The following KYAT3 variants were observed in gnomAD, a reference collection of about 807,000 sequenced individuals.
KYAT3 encodes kynurenine--oxoglutarate transaminase 3.
In KYAT3, 50 loss-of-function variants were observed where a neutral mutation model predicts 59.0. That is an observed-to-expected ratio of 0.85 (90% CI 0.68 to 1.07). KYAT3 has a LOEUF of 1.07. KYAT3 is among the 50% of genes least tolerant of loss of function. The pLI, the probability that KYAT3 is intolerant of heterozygous loss-of-function variation, is 0.00. For synonymous variants in KYAT3, 148 were observed against 177.0 expected (o/e 0.84, Z 1.30); for missense variants, 497 against 533.3 (o/e 0.93, Z 0.67).
In KYAT3 at chr1:88,962,124, A is replaced by G. The variant is rs757835102; in HGVS notation, c.475T>C (p.Tyr159His). The change falls in exon 6 of 14, where the codon TAT (tyrosine) becomes CAT (histidine). Residue 159 changes from tyrosine (Y) to histidine (H), a missense_variant. Physicochemically the swap from Tyr to His is moderately conservative, Grantham distance 83. Transcript: ENST00000260508. ...GDEVILIVPFYDCYEPMVRMA... is the reference protein window; with the variant it reads ...GDEVILIVPFHDCYEPMVRMA... The stretch of plus-strand genomic sequence containing the variant: ...CTCACCATGGGCTCATAGCAGTCAT[A>G]GAAAGGCACTATTAGTATGACCTGC... 2 of 1,613,632 alleles carry G rather than the reference A, an allele frequency of 1.2e-6. No homozygotes were observed. Among genetic ancestry groups the G allele is most frequent in the African/African-American group, 1.3e-5 (1 of 75,048 alleles).
At chr1:88,926,449 G>A in the KYAT3 span, among the ~76,000 whole-genome samples, 5 of 152,158 alleles carry the variant, frequency 3.3e-5, no homozygotes, top group African/African-American at 1.2e-4. Context: ...AATTAGTTGA[G>A]GGTACAGGTG....
At chr1:88,955,847 A>ATG (rs1557688289) in intron 8 of KYAT3, among the ~76,000 whole-genome samples, 2 of 151,494 alleles carry the variant, frequency 1.3e-5, no homozygotes, top group Non-Finnish European at 2.9e-5. Flanking sequence ...GTGTGTGTGC[A>ATG]TGTGTGTGTG....
chr1:88,924,529 G>A, the KYAT3 span, among the ~76,000 whole-genome samples: 1 of 152,276 alleles, frequency 6.6e-6, no homozygotes, highest in Admixed American at 6.5e-5. Context: ...TCCATTTCCA[G>A]GCAACTGCCT....
intron 2 of KYAT3, chr1:88,983,515 A>T (rs780564615): frequency 7.5e-6 from 12 of 1,609,598 alleles, no homozygotes; most frequent in Non-Finnish European, 1.0e-5. Context: ...CTCTTGGAGG[A>T]CCTCTACTTC....
the KYAT3 span, among the ~76,000 whole-genome samples, chr1:88,929,432 C>A: frequency 1.3e-5 from 2 of 152,174 alleles, no homozygotes; most frequent in African/African-American, 4.8e-5. Flanking sequence ...TACATCCTGA[C>A]TCTCAATTCT....
chr1:88,959,991 C>T (rs1676077818), intron 8 of KYAT3, among the ~76,000 whole-genome samples: 1 of 145,414 alleles, frequency 6.9e-6, no homozygotes, highest in African/African-American at 2.5e-5. Context: ...TTGCTTGAGC[C>T]CAGGAGATGG....
chr1:88,951,056 T>G (rs1675649158), intron 10 of KYAT3, among the ~76,000 whole-genome samples: 1 of 152,188 alleles, frequency 6.6e-6, no homozygotes. Flanking sequence ...GGTTTTTCTC[T>G]AGGTAACCAT....
At position 88,982,142 on chromosome 1, in the gene KYAT3, C is replaced by T; in HGVS notation, c.99+6110G>A. The T allele has an allele frequency of 5.2e-6, 5 of 958,542 alleles. No individual in the cohort carries two copies. In the South Asian group the frequency reaches 2.4e-4, roughly 46 times the overall value. The allele number at this position is 958,542 out of a possible 1,614,324, so 59.4% of individuals were successfully genotyped here. On this transcript the variant is annotated intron_variant, in intron 2 of 13. Coordinates refer to ENST00000260508, the MANE Select transcript of KYAT3 (RefSeq NM_001008661.3). ...GGGTTTACTGGGTGAATAGCACTTT[C>T]CTTACATAGGCATCTGATTTCAGGT...
chr1:88,938,345 T>C (rs969992157), intron 13 of KYAT3, among the ~76,000 whole-genome samples: 2 of 152,216 alleles, frequency 1.3e-5, no homozygotes, highest in Non-Finnish European at 2.9e-5. Context: ...TCTTTCTTTT[T>C]AAAATTGTAT....
At chr1:88,926,797 T>C in the KYAT3 span, among the ~76,000 whole-genome samples, 1 of 152,234 alleles carries the variant, frequency 6.6e-6, no homozygotes, top group Admixed American at 6.5e-5. Flanking sequence ...CAAAAAAGAC[T>C]ATCTCAATCC....
intron 2 of KYAT3, among the ~76,000 whole-genome samples, chr1:88,984,573 T>TC (rs1477279342): frequency 3.0e-4 from 46 of 152,360 alleles, no homozygotes; most frequent in African/African-American, 1.1e-3. Flanking sequence ...TATTTGTGCC[T>TC]GATACGCTGT....
chr1:88,943,807 A>G (rs1675335436), intron 11 of KYAT3, among the ~76,000 whole-genome samples: 1 of 152,222 alleles, frequency 6.6e-6, no homozygotes, highest in East Asian at 1.9e-4. Context: ...GTAAGATTAT[A>G]TCTCCACATA....
downstream of KYAT3, among the ~76,000 whole-genome samples, chr1:88,935,358 C>CAG (rs911334036): frequency 3.1e-4 from 44 of 143,050 alleles, no homozygotes; most frequent in Middle Eastern, 0.011. Flanking sequence ...GAGAGAGAGA[C>CAG]AGAGAGAGAG....
intron 8 of KYAT3, among the ~76,000 whole-genome samples, chr1:88,958,292 T>G: frequency 6.6e-6 from 1 of 152,166 alleles, no homozygotes; most frequent in South Asian, 2.1e-4. Flanking sequence ...CTTAGTAGCA[T>G]GCTTGTTTTC....
At chr1:88,991,849 TG>T (rs1186227258) in intron 1 of KYAT3, among the ~76,000 whole-genome samples, 1 of 152,266 alleles carries the variant, frequency 6.6e-6, no homozygotes, top group African/African-American at 2.4e-5. Flanking sequence ...GAGCCACGCG[TG>T]GGCGAAGCGA....
chr1:88,980,555 A>G (rs1419159411), intron 2 of KYAT3: 1 of 152,582 alleles, frequency 6.6e-6, no homozygotes, highest in Non-Finnish European at 1.5e-5. Context: ...ATTTTCTAAT[A>G]TCATTCTGTT....
At chr1:88,983,931 T>C (rs1481757275) in intron 2 of KYAT3, 24 of 1,204,032 alleles carry the variant, frequency 2.0e-5, no homozygotes, top group Non-Finnish European at 2.7e-5. Flanking sequence ...GGCTGTCAGT[T>C]AGGAGGACTG....
At chr1:88,985,765 C>T (rs1357329946) in intron 2 of KYAT3, among the ~76,000 whole-genome samples, 1 of 152,128 alleles carries the variant, frequency 6.6e-6, no homozygotes, top group Admixed American at 6.5e-5. Context: ...AAAACTAGTG[C>T]CCACTCAGAA....
In KYAT3 at chr1:88,942,587, G is replaced by C. The variant is rs147564583; in HGVS notation, c.1302+418C>G. ...GCAGTTAATTTTTTTTTTTGAGACG[G>C]AGTCGCGCTCTGTTGCCCAGGCTGG... On this transcript the variant is annotated intron_variant, in intron 13 of 13. Coordinates refer to ENST00000260508, the MANE Select transcript of KYAT3 (RefSeq NM_001008661.3). Among the ~76,000 whole-genome samples, 591 of 151,880 alleles carry C rather than the reference G, an allele frequency of 3.9e-3. 1 individual carries two copies. The highest frequency in any genetic ancestry group is 8.1e-3 in the Admixed American group (124 of 15,258).
Sources: allele counts gnomAD v4.1 joint callset (sites outside exome capture counted in the v4.1 genomes callset), GRCh38; gene constraint gnomAD v4.1.1; transcripts MANE v1.5; gene names NCBI Gene and HGNC (gene_info 2026-07-23, HGNC 2026-07-21).